The following NTRK2 variants were observed in gnomAD, a reference collection of about 807,000 sequenced individuals.
NTRK2 encodes the protein BDNF/NT-3 growth factors receptor.
Under a neutral mutation model 94.5 loss-of-function variants are expected in NTRK2, and 13 were observed. The observed-to-expected ratio is 0.14, with a 90% CI of 0.09 to 0.22. The LOEUF (loss-of-function observed/expected upper bound fraction) is 0.22, where lower values mean the gene tolerates loss of function less well. NTRK2 is among the 10% of genes least tolerant of loss of function. The pLI is 1.00. For missense variants in NTRK2, 639 were observed against 1,071.2 expected (o/e 0.60, Z 5.63); for synonymous variants, 372 against 407.4 (o/e 0.91, Z 1.05).
intron 15 of NTRK2, among the ~76,000 whole-genome samples, chr9:84,943,866 C>T (rs139344393): frequency 3.9e-5 from 6 of 152,230 alleles, no homozygotes; most frequent in Admixed American, 1.3e-4. Context: ...AAATTCTGCC[C>T]TTACAGTGCC....
chr9:84,714,218 T>A (rs1208759908), intron 6 of NTRK2, among the ~76,000 whole-genome samples: 2 of 152,122 alleles, frequency 1.3e-5, no homozygotes, highest in African/African-American at 4.8e-5. Flanking sequence ...CTCTCGTGAG[T>A]CATTTTTTTT....
intron 14 of NTRK2, among the ~76,000 whole-genome samples, chr9:84,922,806 T>A (rs1201873484): frequency 6.6e-6 from 1 of 152,218 alleles, no homozygotes; most frequent in Non-Finnish European, 1.5e-5. Flanking sequence ...TTCTTTTTCC[T>A]TTAGATGATT....
At chr9:85,021,003 C>T (rs1361966599) in intron 18 of NTRK2, among the ~76,000 whole-genome samples, 2 of 152,096 alleles carry the variant, frequency 1.3e-5, no homozygotes, top group African/African-American at 4.8e-5. Flanking sequence ...GGTTTGGGAC[C>T]ATTCCATATA....
chr9:84,819,163 G>T (rs1380897548), intron 12 of NTRK2, among the ~76,000 whole-genome samples: 7 of 152,180 alleles, frequency 4.6e-5, no homozygotes, highest in Admixed American at 3.9e-4. Flanking sequence ...AAGGAAAGGA[G>T]AAACCTCTTT....
chr9:84,941,678 TG>T (rs2078414734), intron 15 of NTRK2, among the ~76,000 whole-genome samples: 2 of 152,348 alleles, frequency 1.3e-5, no homozygotes, highest in South Asian at 4.1e-4. Context: ...AATTTTATGC[TG>T]GTGTATTTAA....
intron 13 of NTRK2, among the ~76,000 whole-genome samples, chr9:84,865,631 G>C (rs1206014751): frequency 6.6e-6 from 1 of 152,192 alleles, no homozygotes; most frequent in African/African-American, 2.4e-5. Context: ...GCATTTAGTA[G>C]GGGGGGTTGG....
chr9:84,783,838 G>A (rs1409291179), intron 12 of NTRK2, among the ~76,000 whole-genome samples: 3 of 151,896 alleles, frequency 2.0e-5, no homozygotes, highest in Non-Finnish European at 4.4e-5. Context: ...GCATGAAGGG[G>A]GCTAGGGAGT....
In NTRK2 at chr9:85,021,569, C is replaced by T. The variant is rs764351874; in HGVS notation, c.*132C>T. The T allele has an allele frequency of 4.2e-5, 37 of 882,670 alleles. 1 individual carries two copies. The highest frequency in any genetic ancestry group is 3.4e-4 in the East Asian group (14 of 40,742). 54.7% of individuals were successfully genotyped at this position (882,670 alleles called of 1,614,324 possible). ...CTGACAGTATTAACATCAAAGACTC[C>T]GAGAAGCTCTCGAGGGAAGCAGTGT... is the stretch of plus-strand genomic sequence containing the variant. On this transcript the variant is annotated 3_prime_UTR_variant, in exon 19 of 19. Transcript: ENST00000277120.
chr9:84,784,343 C>A (rs1490781841), intron 12 of NTRK2, among the ~76,000 whole-genome samples: 1 of 152,164 alleles, frequency 6.6e-6, no homozygotes, highest in Non-Finnish European at 1.5e-5. Flanking sequence ...TGGGAATGTT[C>A]AATATCTTCC....
At chr9:84,971,987 G>C (rs905560824) in intron 17 of NTRK2, among the ~76,000 whole-genome samples, 4 of 152,186 alleles carry the variant, frequency 2.6e-5, no homozygotes, top group African/African-American at 9.7e-5. Flanking sequence ...GGAGACCAAG[G>C]ATTCAGCTGG....
At chr9:84,708,458 A>AT (rs11445350) in intron 5 of NTRK2, among the ~76,000 whole-genome samples, 74,418 of 151,980 alleles carry the variant, frequency 0.49, 18,645 homozygotes, top group East Asian at 0.59. Flanking sequence ...TTTAAGTCCC[A>AT]TTTTCTTCTG....
intron 14 of NTRK2, among the ~76,000 whole-genome samples, chr9:84,912,848 C>T (rs2077282510): frequency 6.6e-6 from 1 of 151,984 alleles, no homozygotes; most frequent in Non-Finnish European, 1.5e-5. Flanking sequence ...GATCTCCTGA[C>T]CTTGTGATCC....
chr9:84,731,238 C>T (rs992155498), intron 9 of NTRK2, among the ~76,000 whole-genome samples: 7 of 152,094 alleles, frequency 4.6e-5, no homozygotes, highest in Admixed American at 3.3e-4. Context: ...AGTTCAAGAC[C>T]AGCCTGAGCA....
chr9:84,888,649 A>AAAAAAAAG (rs2076494237), intron 14 of NTRK2, among the ~76,000 whole-genome samples: 2 of 141,090 alleles, frequency 1.4e-5, no homozygotes, highest in Admixed American at 7.2e-5. Flanking sequence ...AAAAAAAAAA[A>AAAAAAAAG]GTGGCAGAGA....
At position 84,670,522 on chromosome 9, in the gene NTRK2, C is replaced by T. The variant is rs77401658; in HGVS notation, c.-227C>T. On this transcript the variant is annotated 5_prime_UTR_variant, in exon 2 of 19. Coordinates refer to ENST00000277120, the MANE Select transcript of NTRK2 (RefSeq NM_006180.6). ...AGCTCCGAGCAGCGGTAGCGCCCCC[C>T]TGTAAAGCGGTTCGCTATGCCGGGG... The T allele has an allele frequency of 4.3e-4, 248 of 581,062 alleles. 1 individual carries two copies. Among genetic ancestry groups the T allele is most frequent in the Non-Finnish European group, 4.9e-4 (160 of 324,662 alleles). The allele number at this position is 581,062 out of a possible 1,614,324, so 36.0% of individuals were successfully genotyped here.
chr9:84,876,045 A>G (rs2076053461), intron 14 of NTRK2: 1 of 1,023,196 alleles, frequency 9.8e-7, no homozygotes. Flanking sequence ...TCATTACTGT[A>G]TATGGGTAGA....
chr9:84,872,302 C>G, intron 14 of NTRK2: 1 of 1,112,800 alleles, frequency 9.0e-7, no homozygotes, highest in Non-Finnish European at 1.1e-6. Context: ...CTGAAACAAA[C>G]AAACAGAAAC....
intron 2 of NTRK2, among the ~76,000 whole-genome samples, chr9:84,700,064 T>C (rs1344251146): frequency 6.6e-6 from 1 of 152,210 alleles, no homozygotes; most frequent in Non-Finnish European, 1.5e-5. Flanking sequence ...TCTCAATGAC[T>C]TCAGGACAGT....
At chr9:84,811,879 C>T in intron 12 of NTRK2, 1 of 1,064,432 alleles carries the variant, frequency 9.4e-7, no homozygotes, top group Non-Finnish European at 1.1e-6. Context: ...AGGCAGTATG[C>T]TTGTCCTGAA....
Sources: allele counts gnomAD v4.1 joint callset (sites outside exome capture counted in the v4.1 genomes callset), GRCh38; gene constraint gnomAD v4.1.1; transcripts MANE v1.5; gene names NCBI Gene and HGNC (gene_info 2026-07-23, HGNC 2026-07-21).